AUTS2: variants seen among roughly 807,000 people sequenced by gnomAD.
AUTS2 encodes the protein activator of transcription and developmental regulator AUTS2, also known as autism susceptibility gene 2 protein.
A neutral mutation model predicts 112.4 loss-of-function variants in AUTS2; 17 were observed. The ratio of observed to expected loss-of-function variants is 0.15; its 90% CI spans 0.10 to 0.23. The LOEUF (loss-of-function observed/expected upper bound fraction) is 0.23, where lower values mean the gene tolerates loss of function less well. AUTS2 is among the 10% of genes least tolerant of loss of function. The pLI, the probability that AUTS2 is intolerant of heterozygous loss-of-function variation, is 1.00. For synonymous variants in AUTS2, 751 were observed against 702.7 expected, an observed-to-expected ratio of 1.07 and a Z score of -1.09; for missense variants, 1,510 against 1,701.6, an observed-to-expected ratio of 0.89 and a Z score of 1.98.
At chr7:69,846,036 A>G (rs1792181998) in intron 1 of AUTS2, among the ~76,000 whole-genome samples, 1 of 152,042 alleles carries the variant, frequency 6.6e-6, no homozygotes. Flanking sequence ...GATTCAGACT[A>G]AATGACCACT....
At chr7:69,673,325 C>T (rs1406009083) in intron 1 of AUTS2, among the ~76,000 whole-genome samples, 1 of 152,156 alleles carries the variant, frequency 6.6e-6, no homozygotes, top group Non-Finnish European at 1.5e-5. Flanking sequence ...GACAGGCTGG[C>T]TGGGGATTGT....
rs144767242 is a variant in AUTS2 at position 70,544,150 on chromosome 7, C to G, written c.690+108369C>G. Among the ~76,000 whole-genome samples, 148 of 152,284 alleles carry G rather than the reference C, an allele frequency of 9.7e-4. 1 individual carries two copies. The East Asian group carries it at 0.025, about 26-fold the overall frequency. On this transcript the variant is annotated intron_variant, in intron 5 of 18. Transcript: ENST00000342771. The stretch of plus-strand genomic sequence containing the variant: ...GATTTGGTGTGATTTGCTAATTACC[C>G]AAGTTACTATTACCTGATTAACACA...
intron 2 of AUTS2, among the ~76,000 whole-genome samples, chr7:69,956,565 A>G (rs1015011020): frequency 1.3e-5 from 2 of 152,138 alleles, no homozygotes; most frequent in African/African-American, 2.4e-5. Context: ...TTTTTAGGAT[A>G]ATCCATGGGA....
intron 2 of AUTS2, among the ~76,000 whole-genome samples, chr7:69,905,627 G>A (rs1795120834): frequency 6.6e-6 from 1 of 152,128 alleles, no homozygotes; most frequent in Non-Finnish European, 1.5e-5. Flanking sequence ...CCGGCTGATT[G>A]CATGGTGCCT....
chr7:70,080,316 C>G (rs1470046866), intron 2 of AUTS2, among the ~76,000 whole-genome samples: 1 of 152,116 alleles, frequency 6.6e-6, no homozygotes, highest in Non-Finnish European at 1.5e-5. Flanking sequence ...TTCATGTCCT[C>G]GAGGAAGGAA....
intron 2 of AUTS2, among the ~76,000 whole-genome samples, chr7:69,911,180 G>A (rs1200105424): frequency 1.3e-5 from 2 of 152,204 alleles, no homozygotes; most frequent in African/African-American, 4.8e-5. Context: ...GCAGCCCCAG[G>A]CACCAGAACA....
At chr7:70,575,243 C>T (rs963859231) in intron 5 of AUTS2, among the ~76,000 whole-genome samples, 1 of 152,170 alleles carries the variant, frequency 6.6e-6, no homozygotes, top group Admixed American at 6.5e-5. Flanking sequence ...GAACAGAAAG[C>T]CAGCCTGTGC....
chr7:70,293,408 T>G (rs1788794127), intron 4 of AUTS2: 1 of 152,228 alleles, frequency 6.6e-6, no homozygotes, highest in Non-Finnish European at 1.5e-5. Flanking sequence ...GAAAACAAGC[T>G]GTCCACATCA....
At chr7:70,754,656 A>G (rs893068515) in intron 6 of AUTS2, among the ~76,000 whole-genome samples, 1 of 152,164 alleles carries the variant, frequency 6.6e-6, no homozygotes, top group Non-Finnish European at 1.5e-5. Flanking sequence ...TTTGACTGTG[A>G]TCTGTAGTCT....
intron 5 of AUTS2, among the ~76,000 whole-genome samples, chr7:70,581,157 C>G (rs540075172): frequency 5.9e-4 from 90 of 152,158 alleles, no homozygotes; most frequent in Admixed American, 1.7e-3. Flanking sequence ...CCGAGGCGGG[C>G]AGATCACCTG....
intron 1 of AUTS2, among the ~76,000 whole-genome samples, chr7:69,795,010 T>A (rs1477237489): frequency 6.6e-6 from 1 of 152,214 alleles, no homozygotes. Context: ...GTTCCAATAG[T>A]GGCTCTTCTA....
chr7:70,037,588 T>C (rs1037828230), intron 2 of AUTS2, among the ~76,000 whole-genome samples: 1 of 152,170 alleles, frequency 6.6e-6, no homozygotes, highest in Non-Finnish European at 1.5e-5. Flanking sequence ...TTATATAATT[T>C]TTTGGTAGTT....
chr7:70,195,323 A>T (rs1207076913), intron 4 of AUTS2, among the ~76,000 whole-genome samples: 3 of 152,094 alleles, frequency 2.0e-5, no homozygotes, highest in Non-Finnish European at 4.4e-5. Flanking sequence ...TATAAACCCA[A>T]ATCAGAATAG....
rs1486275337 is a variant in AUTS2 at position 70,791,488 on chromosome 7, A to ACAT, written c.*493_*495dup. On this transcript the variant is annotated 3_prime_UTR_variant, in exon 19 of 19. Coordinates refer to ENST00000342771, the MANE Select transcript of AUTS2 (RefSeq NM_015570.4). ...ATGTAAATAGATAAAGTAACATAAT[A>ACAT]CATTAATACTTCTTAAAATGTGCTA... 3 of 153,220 alleles carry ACAT rather than the reference A, an allele frequency of 2.0e-5. No homozygotes were observed. The highest frequency in any genetic ancestry group is 4.4e-5 in the Non-Finnish European group (3 of 68,482). The allele number at this position is 153,220 out of a possible 1,614,324, so 9.5% of individuals were successfully genotyped here. A position where few individuals can be genotyped will look rare whatever the true frequency, so the allele number is the denominator to read the frequency against.
chr7:70,749,461 C>T (rs896961541), intron 6 of AUTS2, among the ~76,000 whole-genome samples: 2 of 152,136 alleles, frequency 1.3e-5, no homozygotes, highest in African/African-American at 4.8e-5. Flanking sequence ...TAGCATACAT[C>T]GAAGTCATAG....
intron 1 of AUTS2, among the ~76,000 whole-genome samples, chr7:69,891,724 A>G (rs1794527649): frequency 7.4e-6 from 1 of 135,002 alleles, no homozygotes; most frequent in Non-Finnish European, 1.6e-5. Flanking sequence ...CCTAATGACT[A>G]CTGATGTTAA....
At chr7:70,756,358 C>T (rs79224494) in intron 6 of AUTS2, among the ~76,000 whole-genome samples, 2,457 of 152,218 alleles carry the variant, frequency 0.016, 74 homozygotes, top group African/African-American at 0.056. Context: ...TGCATTTGTG[C>T]AGTAAGTCAT....
intron 4 of AUTS2, among the ~76,000 whole-genome samples, chr7:70,422,165 A>G (rs1795251252): frequency 6.6e-6 from 1 of 152,186 alleles, no homozygotes; most frequent in African/African-American, 2.4e-5. Context: ...TTCTTGAACC[A>G]TTCTCATTAT....
intron 1 of AUTS2, among the ~76,000 whole-genome samples, chr7:69,795,820 C>T (rs1584257914): frequency 6.6e-6 from 1 of 152,292 alleles, no homozygotes; most frequent in East Asian, 1.9e-4. Context: ...GTACAGGAGG[C>T]AGAAGAGCTA....
Sources: gnomAD v4.1 joint callset for allele counts (sites outside exome capture counted in the v4.1 genomes callset) on GRCh38, gnomAD v4.1.1 for gene constraint, MANE v1.5 for transcripts, NCBI Gene and HGNC (gene_info 2026-07-23, HGNC 2026-07-21) for gene names.